The following REEP3 variants were observed in gnomAD, a reference collection of about 807,000 sequenced individuals.
REEP3 encodes receptor expression-enhancing protein 3.
Under a neutral mutation model 41.3 loss-of-function variants are expected in REEP3, and 20 were observed. The ratio of observed to expected loss-of-function variants is 0.48; its 90% CI spans 0.34 to 0.70. REEP3 has a LOEUF of 0.70. Among genes scored for constraint, REEP3 ranks in the 30% least tolerant of loss-of-function variants. The probability of loss-of-function intolerance (pLI) is 0.01; values close to 1 mark genes in which losing one functional copy is unlikely to be tolerated. For missense variants in REEP3, 271 were observed against 308.8 expected, an observed-to-expected ratio of 0.88 and a Z score of 0.92; for synonymous variants, 104 against 101.8, an observed-to-expected ratio of 1.02 and a Z score of -0.13.
At chr10:63,576,380 C>A (rs1209963868) in intron 2 of REEP3, among the ~76,000 whole-genome samples, 1 of 152,196 alleles carries the variant, frequency 6.6e-6, no homozygotes, top group African/African-American at 2.4e-5. Flanking sequence ...CTGGGCCACA[C>A]TCCCTCAGAA....
At chr10:63,527,404 G>T (rs1955375761) in intron 1 of REEP3, among the ~76,000 whole-genome samples, 1 of 152,112 alleles carries the variant, frequency 6.6e-6, no homozygotes, top group Non-Finnish European at 1.5e-5. Flanking sequence ...GGGCACAGTG[G>T]CTCTTGCTTG....
chr10:63,607,501 T>C (rs1956239965), intron 5 of REEP3, among the ~76,000 whole-genome samples: 1 of 152,214 alleles, frequency 6.6e-6, no homozygotes, highest in South Asian at 2.1e-4. Flanking sequence ...AGTCTATCCA[T>C]GGAGAAACCT....
At chr10:63,615,607 G>A (rs201408340) in intron 6 of REEP3, among the ~76,000 whole-genome samples, 66 of 150,962 alleles carry the variant, frequency 4.4e-4, no homozygotes, top group African/African-American at 1.5e-3. Context: ...GTGCAGTGGC[G>A]CGATCTCAGC....
At chr10:63,583,257 C>G (rs969824304) in intron 2 of REEP3, among the ~76,000 whole-genome samples, 1 of 152,196 alleles carries the variant, frequency 6.6e-6, no homozygotes, top group African/African-American at 2.4e-5. Context: ...TCCCAAAGTG[C>G]TGGGACTACA....
At chr10:63,560,603 CTTATT>C (rs939317332) in intron 1 of REEP3, among the ~76,000 whole-genome samples, 1 of 152,154 alleles carries the variant, frequency 6.6e-6, no homozygotes, top group African/African-American at 2.4e-5. Context: ...TGAACAGTAT[CTTATT>C]TTGACAAAAT....
chr10:63,523,127 A>C (rs1955308577), intron 1 of REEP3, among the ~76,000 whole-genome samples: 1 of 152,206 alleles, frequency 6.6e-6, no homozygotes, highest in Non-Finnish European at 1.5e-5. Flanking sequence ...AATGAATATG[A>C]ATGTCTGTTC....
intron 5 of REEP3, 45 bp from the exon 6 acceptor site, chr10:63,610,142 A>G: frequency 1.3e-6 from 2 of 1,512,312 alleles, no homozygotes; most frequent in South Asian, 1.2e-5. Context: ...AAATGTAAGC[A>G]TACTAAATAT....
intron 1 of REEP3, among the ~76,000 whole-genome samples, chr10:63,556,641 T>TTG (rs1955688169): frequency 9.9e-6 from 1 of 100,888 alleles, no homozygotes; most frequent in African/African-American, 3.6e-5. Context: ...TTTGTTTTTT[T>TTG]TTTTTTTTTT....
At chr10:63,525,436 G>C (rs1345583964) in intron 1 of REEP3, among the ~76,000 whole-genome samples, 9 of 139,312 alleles carry the variant, frequency 6.5e-5, no homozygotes, top group Admixed American at 6.4e-4. Flanking sequence ...TTTTTTTTTT[G>C]AGACGGAGTT....
chr10:63,550,928 A>T (rs1225152771), intron 1 of REEP3, among the ~76,000 whole-genome samples: 2 of 152,252 alleles, frequency 1.3e-5, no homozygotes, highest in Admixed American at 1.3e-4. Flanking sequence ...TATACAATAT[A>T]TACACTTCAG....
chr10:63,530,632 A>C (rs1240186369), intron 1 of REEP3, among the ~76,000 whole-genome samples: 4 of 152,192 alleles, frequency 2.6e-5, no homozygotes, highest in Non-Finnish European at 4.4e-5. Flanking sequence ...CCTGCATTTC[A>C]AAAACAATTT....
At chr10:63,556,277 G>C (rs1040781023) in intron 1 of REEP3, among the ~76,000 whole-genome samples, 1 of 151,438 alleles carries the variant, frequency 6.6e-6, no homozygotes, top group African/African-American at 2.4e-5. Context: ...CACCATGCCC[G>C]ACTAATTTTT....
chr10:63,609,062 TTTGGCTCTTACATGTTTCTAAC>T (rs1379437339), intron 5 of REEP3, among the ~76,000 whole-genome samples: 1 of 152,230 alleles, frequency 6.6e-6, no homozygotes, highest in East Asian at 1.9e-4. Context: ...TTCAAGATTC[TTTGGCTCTTACATGTTTCTAAC>T]TTGTTCTAGG....
intron 5 of REEP3, among the ~76,000 whole-genome samples, chr10:63,606,584 A>G (rs1319368743): frequency 6.6e-6 from 1 of 152,114 alleles, no homozygotes; most frequent in African/African-American, 2.4e-5. Context: ...TTGTCTTAAT[A>G]TTATATAAAT....
chr10:63,571,530 T>G (rs978380056), intron 2 of REEP3, among the ~76,000 whole-genome samples: 3 of 152,192 alleles, frequency 2.0e-5, no homozygotes, highest in Admixed American at 1.3e-4. Flanking sequence ...CTCTTCTGCC[T>G]CCTCTTCCAC....
At chr10:63,539,618 C>T (rs1216090263) in intron 1 of REEP3, among the ~76,000 whole-genome samples, 2 of 152,086 alleles carry the variant, frequency 1.3e-5, no homozygotes, top group Non-Finnish European at 2.9e-5. Context: ...CATAGCAAGA[C>T]CCCATCTCTT....
rs192444543 is a variant in REEP3 at position 63,526,143 on chromosome 10, G to A, written c.32+4566G>A. 2.2e-3 allele frequency among the ~76,000 whole-genome samples: 339 copies of A among 152,188 alleles called. 5 individuals carry two copies. The highest frequency in any genetic ancestry group is 0.021 in the Admixed American group (321 of 15,280). On this transcript the variant is annotated intron_variant, in intron 1 of 7. Coordinates refer to ENST00000373758, the MANE Select transcript of REEP3 (RefSeq NM_001001330.3). Reference sequence around the variant, plus strand: ...TGTGTAGGTAACATAATTTTAATTAGAGTATAGTAAAAATGTTATACTAGT... The same window carrying A: ...TGTGTAGGTAACATAATTTTAATTAAAGTATAGTAAAAATGTTATACTAGT...
chr10:63,582,954 G>A (rs747214435), intron 2 of REEP3, among the ~76,000 whole-genome samples: 28 of 151,950 alleles, frequency 1.8e-4, no homozygotes, highest in East Asian at 5.8e-4. Context: ...GTTTGTTCTC[G>A]GTCATGATGG....
intron 1 of REEP3, among the ~76,000 whole-genome samples, chr10:63,540,753 T>C (rs1180346154): frequency 2.0e-5 from 3 of 152,182 alleles, no homozygotes; most frequent in African/African-American, 7.2e-5. Flanking sequence ...TTTTTTGTTT[T>C]GTTTTGTTTT....
Sources: allele counts gnomAD v4.1 joint callset (sites outside exome capture counted in the v4.1 genomes callset), GRCh38; gene constraint gnomAD v4.1.1; transcripts MANE v1.5; gene names NCBI Gene and HGNC (gene_info 2026-07-23, HGNC 2026-07-21).